NBEA: variants seen among roughly 807,000 people sequenced by gnomAD.
NBEA encodes neurobeachin.
Under a neutral mutation model 343.4 loss-of-function variants are expected in NBEA, and 44 were observed. That is an observed-to-expected ratio of 0.13 (90% CI 0.10 to 0.16). The LOEUF (loss-of-function observed/expected upper bound fraction) is 0.16, where lower values mean the gene tolerates loss of function less well. NBEA is among the 10% of genes least tolerant of loss of function. The pLI, the probability that NBEA is intolerant of heterozygous loss-of-function variation, is 1.00. For synonymous variants in NBEA, 1,175 were observed against 1,238.7 expected (o/e 0.95, Z 1.08); for missense variants, 2,555 against 3,631.3 (o/e 0.70, Z 7.62).
At chr13:35,415,616 A>G (rs529017601) in intron 38 of NBEA, among the ~76,000 whole-genome samples, 3 of 152,282 alleles carry the variant, frequency 2.0e-5, no homozygotes, top group African/African-American at 7.2e-5. Context: ...TACCAGTACC[A>G]TGCTGTTTTG....
intron 2 of NBEA, 114 bp from the exon 3 acceptor site, chr13:35,044,832 AG>A (rs1334548843): frequency 4.5e-6 from 2 of 449,036 alleles, no homozygotes; most frequent in East Asian, 3.4e-5. Context: ...ATATATATAG[AG>A]AGAGAGAGAG....
At chr13:34,947,374 T>G (rs2059217105) in intron 1 of NBEA, among the ~76,000 whole-genome samples, 1 of 152,166 alleles carries the variant, frequency 6.6e-6, no homozygotes, top group Non-Finnish European at 1.5e-5. Flanking sequence ...TATCTCAAGG[T>G]TCTTTATTCT....
intron 49 of NBEA, among the ~76,000 whole-genome samples, chr13:35,629,052 A>C (rs2083345160): frequency 6.6e-6 from 1 of 152,216 alleles, no homozygotes; most frequent in Admixed American, 6.5e-5. Context: ...TTTATAGCTA[A>C]CAGTTGGGAA....
intron 34 of NBEA, among the ~76,000 whole-genome samples, chr13:35,267,176 A>G (rs1215699239): frequency 6.6e-6 from 1 of 151,846 alleles, no homozygotes; most frequent in Non-Finnish European, 1.5e-5. Context: ...TAAAATCCAT[A>G]TATAAGTGGA....
chr13:35,571,523 G>T lies in NBEA; in HGVS notation c.7035+4506G>T, dbSNP rs147904859. On this transcript the variant is annotated intron_variant, in intron 45 of 58. Coordinates refer to ENST00000379939, the MANE Select transcript of NBEA (RefSeq NM_001385012.1). ...AACACAATCATACTTACATAATAGG[G>T]TTGTTGAAAGATTTTAACACCGTAA... Among the ~76,000 whole-genome samples the T allele has an allele frequency of 4.4e-3, 675 of 152,248 alleles. 6 individuals carry two copies. The highest frequency in any genetic ancestry group is 0.015 in the African/African-American group (632 of 41,546).
chr13:35,245,842 G>A (rs1314590791), intron 34 of NBEA, among the ~76,000 whole-genome samples: 1 of 152,136 alleles, frequency 6.6e-6, no homozygotes, highest in African/African-American at 2.4e-5. Flanking sequence ...CTGTACCGAA[G>A]CTGGAGAAGT....
At chr13:35,431,212 A>G (rs1003433878) in intron 38 of NBEA, among the ~76,000 whole-genome samples, 1 of 152,122 alleles carries the variant, frequency 6.6e-6, no homozygotes, top group African/African-American at 2.4e-5. Context: ...CAAAACATAC[A>G]TAGGTCCTGC....
At chr13:35,457,710 G>A (rs1345486132) in intron 40 of NBEA, among the ~76,000 whole-genome samples, 6 of 152,098 alleles carry the variant, frequency 3.9e-5, no homozygotes, top group South Asian at 2.1e-4. Context: ...CCGGGTTCAC[G>A]CCATTCTCCT....
intron 30 of NBEA, among the ~76,000 whole-genome samples, chr13:35,188,007 C>T (rs1486967212): frequency 6.6e-6 from 1 of 152,086 alleles, no homozygotes; most frequent in Non-Finnish European, 1.5e-5. Flanking sequence ...CCTTCCCTTA[C>T]TCCTGTAACT....
intron 30 of NBEA, among the ~76,000 whole-genome samples, chr13:35,189,498 A>G (rs113144388): frequency 0.017 from 2,614 of 152,128 alleles, 76 homozygotes; most frequent in African/African-American, 0.055. Flanking sequence ...GGTTGCCTCT[A>G]TTCCATTATA....
chr13:35,146,387 GA>G (rs2068424879), intron 18 of NBEA, among the ~76,000 whole-genome samples: 1 of 152,124 alleles, frequency 6.6e-6, no homozygotes, highest in Admixed American at 6.6e-5. Context: ...ATCAATTAAG[GA>G]ATTAATATTA....
chr13:35,281,502 C>T (rs375647903), intron 34 of NBEA, among the ~76,000 whole-genome samples: 30 of 152,246 alleles, frequency 2.0e-4, no homozygotes, highest in African/African-American at 6.7e-4. Context: ...TGACTGACCT[C>T]TACTTGAACC....
At position 35,520,698 on chromosome 13, in the gene NBEA, A is replaced by G. The variant is rs188692231; in HGVS notation, c.6586-29779A>G. Among the ~76,000 whole-genome samples, 4 of 152,258 alleles carry G rather than the reference A, an allele frequency of 2.6e-5. No homozygotes were observed. In the East Asian group the frequency reaches 5.8e-4, roughly 22 times the overall value. ...CTCTCTTCCAGTACTATTATAGATT[A>G]CTTTCACCCAGGGTTTCTTTTCCTT... On this transcript the variant is annotated intron_variant, in intron 41 of 58. Coordinates refer to ENST00000379939, the MANE Select transcript of NBEA (RefSeq NM_001385012.1).
intron 30 of NBEA, among the ~76,000 whole-genome samples, chr13:35,190,115 T>C (rs2072065409): frequency 6.6e-6 from 1 of 152,136 alleles, no homozygotes; most frequent in Non-Finnish European, 1.5e-5. Flanking sequence ...CTGTATGGAA[T>C]CTTCCTGGAA....
intron 41 of NBEA, among the ~76,000 whole-genome samples, chr13:35,529,124 T>C (rs1445203051): frequency 6.6e-6 from 1 of 152,152 alleles, no homozygotes; most frequent in East Asian, 1.9e-4. Context: ...ACAATACCCT[T>C]TGAGGCAGAC....
intron 41 of NBEA, among the ~76,000 whole-genome samples, chr13:35,515,481 G>C (rs2077448513): frequency 6.6e-6 from 1 of 152,152 alleles, no homozygotes; most frequent in African/African-American, 2.4e-5. Context: ...TATTCTTTGT[G>C]TATATATGTA....
intron 36 of NBEA, among the ~76,000 whole-genome samples, chr13:35,337,006 C>G (rs932087800): frequency 6.6e-6 from 1 of 151,822 alleles, no homozygotes; most frequent in African/African-American, 2.4e-5. Flanking sequence ...GCCCATATAC[C>G]CTTGAACCTA....
intron 41 of NBEA, among the ~76,000 whole-genome samples, chr13:35,493,181 G>A (rs78626238): frequency 0.049 from 7,414 of 151,898 alleles, 422 homozygotes; most frequent in East Asian, 0.2. Flanking sequence ...TAAGTGAATG[G>A]AACAGGAGAC....
intron 36 of NBEA, among the ~76,000 whole-genome samples, chr13:35,321,284 G>A (rs1329116210): frequency 2.0e-5 from 3 of 152,018 alleles, no homozygotes; most frequent in Non-Finnish European, 2.9e-5. Flanking sequence ...TTGAGTGGGC[G>A]TCCTTTTTGT....
Sources: gnomAD v4.1 joint callset for allele counts (sites outside exome capture counted in the v4.1 genomes callset) on GRCh38, gnomAD v4.1.1 for gene constraint, MANE v1.5 for transcripts, NCBI Gene and HGNC (gene_info 2026-07-23, HGNC 2026-07-21) for gene names.